Variants in NEB observed in about 807,000 individuals in gnomAD.
NEB encodes the protein nebulin.
Under a neutral mutation model 952.2 loss-of-function variants are expected in NEB, and 512 were observed. That is an observed-to-expected ratio of 0.54 (90% CI 0.50 to 0.58). The LOEUF is 0.58. Ranked by LOEUF, NEB falls within the 20% of genes least tolerant of loss-of-function variation. The probability of loss-of-function intolerance (pLI) is 0.00; values close to 1 mark genes in which losing one functional copy is unlikely to be tolerated. For synonymous variants in NEB, 2,900 were observed against 3,149.8 expected (o/e 0.92, Z 2.66); for missense variants, 8,428 against 9,231.1 (o/e 0.91, Z 3.56).
intron 13 of NEB, among the ~76,000 whole-genome samples, chr2:151,705,086 G>C (rs4381781): frequency 0.67 from 101,993 of 151,992 alleles, 38,242 homozygotes; most frequent in Non-Finnish European, 0.83. Context: ...TCATGAAAAA[G>C]TTATATAAGG....
chr2:151,702,271 G>A (rs970618917), intron 13 of NEB, among the ~76,000 whole-genome samples: 22 of 151,944 alleles, frequency 1.4e-4, no homozygotes, highest in Admixed American at 4.6e-4. Flanking sequence ...TTGCTGAGGA[G>A]AGCTTTACTT....
In NEB at chr2:151,684,855, T is replaced by C. The variant is rs1369687295; in HGVS notation, c.2758A>G (p.Ile920Val). 4 of 1,613,516 alleles carry C rather than the reference T, an allele frequency of 2.5e-6. No individual in the cohort carries two copies. Among genetic ancestry groups the C allele is most frequent in the Non-Finnish European group, 3.4e-6 (4 of 1,179,652 alleles). The change falls in exon 28 of 182, where the codon ATC becomes GTC. Residue 920 changes from isoleucine to valine, a missense_variant. Ile to Val is a conservative substitution (Grantham distance 29). Around this residue, in one of 11 missense-constraint regions of NEB, gnomAD observed 2,851 missense variants for 2,791.5 expected, o/e 1.02. Transcript: ENST00000397345. ...AIASDVDYKH[I>V]LHSYSYPPDS... is the part of the protein sequence containing the mutation. Reference sequence around the variant, plus strand: ...GGGGGGTAGCTGTAACTGTGTAAGATGTGCTTATAATCAACGTCGCTGGCA... The same window carrying C: ...GGGGGGTAGCTGTAACTGTGTAAGACGTGCTTATAATCAACGTCGCTGGCA...
At chr2:151,667,944 A>G in intron 39 of NEB, 33 bp from the exon 40 acceptor site, 1 of 1,540,946 alleles carries the variant, frequency 6.5e-7, no homozygotes. Flanking sequence ...TTATTATTTG[A>G]CATCATTAAA....
chr2:151,506,277 G>A lies in NEB; in HGVS notation c.23557-19C>T. ...ATAAAACCTGGGCATTCAGAATCAG[G>A]ACAGTGTTAACACAGAAGAAAAGAA... is the stretch of plus-strand genomic sequence containing the variant. On this transcript the variant is annotated intron_variant, in intron 163 of 181. Coordinates refer to ENST00000397345, the MANE Select transcript of NEB (RefSeq NM_001164508.2). 1 of 1,576,492 alleles carries A rather than the reference G, an allele frequency of 6.3e-7. No individual in the cohort carries two copies. Among genetic ancestry groups the A allele is most frequent in the Non-Finnish European group, 8.7e-7 (1 of 1,146,264 alleles).
chr2:151,607,421 G>T, intron 83 of NEB, 83 bp downstream of exon 83: 1 of 747,810 alleles, frequency 1.3e-6, no homozygotes, highest in Non-Finnish European at 2.0e-6. Flanking sequence ...TTGCAAGGTA[G>T]GTAATTTGTC....
intron 118 of NEB, 34 bp downstream of exon 118, chr2:151,563,789 T>C: frequency 3.1e-6 from 5 of 1,610,230 alleles, no homozygotes; most frequent in Non-Finnish European, 4.2e-6. Context: ...CAGTAAAGAC[T>C]CTCAAACTTA....
At chr2:151,651,358 T>A (rs2099027508) in intron 52 of NEB, among the ~76,000 whole-genome samples, 1 of 152,210 alleles carries the variant, frequency 6.6e-6, no homozygotes, top group South Asian at 2.1e-4. Flanking sequence ...CTTATGGAAA[T>A]GATAATCCTT....
chr2:151,629,410 G>C, intron 68 of NEB, 129 bp downstream of exon 68: 1 of 800,006 alleles, frequency 1.2e-6, no homozygotes, highest in African/African-American at 1.7e-5. Flanking sequence ...GAAAAACTTT[G>C]AATTTGAATT....
At position 151,570,411 on chromosome 2, in the gene NEB, A is replaced by C; in HGVS notation, c.17119-19T>G. 6.4e-7 allele frequency: 1 copy of C among 1,572,132 alleles called. No individual in the cohort carries two copies. The highest frequency in any genetic ancestry group is 8.6e-7 in the Non-Finnish European group (1 of 1,160,748). On this transcript the variant is annotated intron_variant, in intron 108 of 181. Coordinates refer to ENST00000397345, the MANE Select transcript of NEB (RefSeq NM_001164508.2). Reference sequence around the variant, plus strand: ...ATTTATACTGGAGATGCAAAAATAAAGCAGATGGGTCACAGCATGTCCTCT... The same window carrying C: ...ATTTATACTGGAGATGCAAAAATAACGCAGATGGGTCACAGCATGTCCTCT...
intron 148 of NEB, among the ~76,000 whole-genome samples, chr2:151,526,682 A>G (rs1176121519): frequency 6.6e-6 from 1 of 151,996 alleles, no homozygotes; most frequent in Non-Finnish European, 1.5e-5. Flanking sequence ...TGCTGTGTGA[A>G]CTCTCTGCTG....
At chr2:151,591,676 CTT>C (rs1216547389) in intron 95 of NEB, among the ~76,000 whole-genome samples, 6 of 152,254 alleles carry the variant, frequency 3.9e-5, no homozygotes, top group Non-Finnish European at 2.9e-5. Context: ...AAGAAGGAAA[CTT>C]AGGAGATAAT....
chr2:151,497,571 T>C, intron 171 of NEB, 55 bp downstream of exon 171: 3 of 1,536,508 alleles, frequency 2.0e-6, no homozygotes, highest in South Asian at 2.5e-5. Context: ...TTTTAAATCA[T>C]GAAAGTTTTC....
At position 151,657,993 on chromosome 2, in the gene NEB, A is replaced by G. The variant is rs1344863121; in HGVS notation, c.6173T>C (p.Ile2058Thr). ...PIKAAKASRD[I>T]ASDYKYKYNY... ...TTCCTTTGGACTTACATCACTTGCA[A>G]TATCTCTGGAAGCCTTGGCAGCTTT... The change falls in exon 48 of 182, where the codon ATT becomes ACT. Residue 2058 changes from isoleucine to threonine, a missense_variant. Around this residue, in one of 11 missense-constraint regions of NEB, gnomAD observed 2,851 missense variants for 2,791.5 expected, o/e 1.02. Coordinates refer to ENST00000397345, the MANE Select transcript of NEB (RefSeq NM_001164508.2). The G allele has an allele frequency of 6.2e-7, 1 of 1,604,142 alleles. No homozygotes were observed. The highest frequency in any genetic ancestry group is 8.5e-7 in the Non-Finnish European group (1 of 1,172,604).
Position 151,677,972 on chromosome 2 carries a change from G to T in NEB, c.3471C>A (p.Ser1157Arg), listed in dbSNP as rs369373369. The T allele has an allele frequency of 6.2e-7, 1 of 1,613,828 alleles. No individual in the cohort carries two copies. The highest frequency in any genetic ancestry group is 1.3e-5 in the African/African-American group (1 of 74,910). The change falls in exon 33 of 182, where the codon AGC becomes AGA. Residue 1157 changes from serine (S) to arginine (R), a missense_variant. Around this residue, in one of 11 missense-constraint regions of NEB, gnomAD observed 2,851 missense variants for 2,791.5 expected, o/e 1.02. Coordinates refer to ENST00000397345, the MANE Select transcript of NEB (RefSeq NM_001164508.2). ...VAAKKAQDVV[S>R]NVNYKHSLHH... Reference sequence around the variant, plus strand: ...GGAGAGAATGCTTATAGTTGACATTGCTGACCACATCCTGGGCTTTCTTAG... The same window carrying T: ...GGAGAGAATGCTTATAGTTGACATTTCTGACCACATCCTGGGCTTTCTTAG...
intron 181 of NEB, chr2:151,486,216 A>T (rs2050229601): frequency 6.3e-6 from 2 of 315,798 alleles, no homozygotes; most frequent in South Asian, 1.3e-4. Context: ...TCTCCAAAAA[A>T]GATAGACAAA....
At position 151,554,974 on chromosome 2, in the gene NEB, G is replaced by A. The variant is rs369054525; in HGVS notation, c.19385C>T (p.Pro6462Leu). ...YTLPRSVDDD[P>L]NTARCLRVGK... ...AACTCGGAGGCACCGTGCTGTGTTC[G>A]GATCATCGTCAACACTTCTTGGTAA... Residue 6462 changes from proline to leucine, a missense_variant, in exon 125 of 182, where the codon CCG becomes CTG. By Grantham distance (98) the Pro-to-Leu change is moderately conservative (BLOSUM62 -3). Transcript: ENST00000397345. 35 of 1,613,736 alleles carry A rather than the reference G, an allele frequency of 2.2e-5. No individual in the cohort carries two copies. The highest frequency in any genetic ancestry group is 5.5e-5 in the South Asian group (5 of 91,074).
intron 175 of NEB, 57 bp from the exon 176 acceptor site, chr2:151,493,502 T>C: frequency 8.6e-7 from 1 of 1,156,520 alleles, no homozygotes; most frequent in South Asian, 1.5e-5. Context: ...GGTCTGAAAA[T>C]CATCACTTAG....
At position 151,677,783 on chromosome 2, in the gene NEB, G is replaced by C; in HGVS notation, c.3568-12C>G. On this transcript the variant is annotated splice_polypyrimidine_tract_variant and intron_variant, in intron 33 of 181. Transcript: ENST00000397345. ...TCCTTGTAGACGTTCTACAGCAATG[G>C]AGAAAAGAGGAGTGAGGGCCTAGGA... is the stretch of plus-strand genomic sequence containing the variant. 1 of 1,613,716 alleles carries C rather than the reference G, an allele frequency of 6.2e-7. No homozygotes were observed. Among genetic ancestry groups the C allele is most frequent in the Non-Finnish European group, 8.5e-7 (1 of 1,179,688 alleles).
chr2:151,617,635 C>A, intron 74 of NEB, 167 bp from the exon 75 acceptor site: 1 of 521,018 alleles, frequency 1.9e-6, no homozygotes. Context: ...AAAATTCTTT[C>A]AATAATCTGT....
Sources: gnomAD v4.1 joint callset for allele counts (sites outside exome capture counted in the v4.1 genomes callset) on GRCh38, gnomAD v4.1.1 for gene constraint, gnomAD v4.1.1 regional missense constraint, MANE v1.5 for transcripts, NCBI Gene and HGNC (gene_info 2026-07-23, HGNC 2026-07-21) for gene names.